The following LRRTM4 variants were observed in gnomAD, a reference collection of about 807,000 sequenced individuals.
LRRTM4 encodes leucine rich repeat transmembrane neuronal 4, also known as leucine-rich repeat transmembrane neuronal protein 4.
In LRRTM4, 25 loss-of-function variants were observed where a neutral mutation model predicts 47.6. The observed-to-expected ratio is 0.53, with a 90% confidence interval of 0.38 to 0.73. The LOEUF is 0.73. Ranked by LOEUF, LRRTM4 falls within the 30% of genes least tolerant of loss-of-function variation. LRRTM4 has a pLI of 0.00. For synonymous variants in LRRTM4, 311 were observed against 269.5 expected, an observed-to-expected ratio of 1.15 and a Z score of -1.51; for missense variants, 638 against 713.4, an observed-to-expected ratio of 0.89 and a Z score of 1.20.
At chr2:77,478,814 T>A in intron 3 of LRRTM4, among the ~76,000 whole-genome samples, 1 of 152,202 alleles carries the variant, frequency 6.6e-6, no homozygotes, top group South Asian at 2.1e-4. Context: ...TTTGTCTTTT[T>A]AAAAAAGAAA....
At chr2:76,996,111 G>A (rs918535580) in intron 3 of LRRTM4, among the ~76,000 whole-genome samples, 1 of 152,118 alleles carries the variant, frequency 6.6e-6, no homozygotes, top group Admixed American at 6.6e-5. Flanking sequence ...TCAGGAATGA[G>A]TTGACATGCA....
At chr2:77,133,864 C>G (rs1246600256) in intron 3 of LRRTM4, among the ~76,000 whole-genome samples, 1 of 152,046 alleles carries the variant, frequency 6.6e-6, no homozygotes, top group Non-Finnish European at 1.5e-5. Context: ...TGTGATTGAA[C>G]AAAAGTTTGT....
In LRRTM4 at chr2:77,408,823, TATA is replaced by T. The variant is rs1357208421; in HGVS notation, c.1551+109492_1551+109494del. 2.0e-5 allele frequency among the ~76,000 whole-genome samples: 3 copies of T among 152,332 alleles called. No homozygotes were observed. In the East Asian group the frequency reaches 5.8e-4, roughly 29 times the overall value. On this transcript the variant is annotated intron_variant, in intron 3 of 3. Coordinates refer to ENST00000409884, the MANE Select transcript of LRRTM4 (RefSeq NM_001134745.3). ...ATCCCCCGGTGTCTAATACAGGTAT[TATA>T]ATATCTGTTTCATAAATGTGTTTCA... is the stretch of plus-strand genomic sequence containing the variant.
intron 3 of LRRTM4, among the ~76,000 whole-genome samples, chr2:77,035,047 ATTAT>A (rs1474113219): frequency 6.6e-6 from 1 of 151,708 alleles, no homozygotes; most frequent in Non-Finnish European, 1.5e-5. Flanking sequence ...TTTTATTTTT[ATTAT>A]TTTTTTTCTT....
chr2:76,925,989 G>T (rs1048102154), intron 3 of LRRTM4, among the ~76,000 whole-genome samples: 2 of 152,082 alleles, frequency 1.3e-5, no homozygotes, highest in South Asian at 4.1e-4. Context: ...AGTTCTTTGA[G>T]GATAAAACCA....
At chr2:76,797,012 G>C (rs887103371) in intron 3 of LRRTM4, among the ~76,000 whole-genome samples, 1 of 152,104 alleles carries the variant, frequency 6.6e-6, no homozygotes, top group African/African-American at 2.4e-5. Context: ...AAGTGATGGG[G>C]AGAATGCAAA....
At chr2:77,036,748 A>G (rs1573482232) in intron 3 of LRRTM4, among the ~76,000 whole-genome samples, 1 of 151,706 alleles carries the variant, frequency 6.6e-6, no homozygotes, top group Non-Finnish European at 1.5e-5. Flanking sequence ...ATATTGCTGA[A>G]TATCTGAGAG....
intron 3 of LRRTM4, among the ~76,000 whole-genome samples, chr2:77,092,417 G>A (rs925301671): frequency 1.3e-5 from 2 of 148,992 alleles, no homozygotes; most frequent in East Asian, 2.1e-4. Context: ...TTATGCTATA[G>A]TACAAGCCAC....
chr2:77,494,916 G>A (rs930701494), intron 3 of LRRTM4, among the ~76,000 whole-genome samples: 2 of 151,968 alleles, frequency 1.3e-5, no homozygotes, highest in African/African-American at 4.8e-5. Flanking sequence ...ACTCTGTTTT[G>A]ATTTGCCTTC....
intron 3 of LRRTM4, among the ~76,000 whole-genome samples, chr2:76,999,058 G>A (rs1029008481): frequency 6.6e-6 from 1 of 152,060 alleles, no homozygotes; most frequent in Non-Finnish European, 1.5e-5. Context: ...CTTCATAGAT[G>A]GTTGTTGATA....
chr2:77,255,461 G>T (rs1675739706), intron 3 of LRRTM4, among the ~76,000 whole-genome samples: 1 of 151,950 alleles, frequency 6.6e-6, no homozygotes, highest in Admixed American at 6.6e-5. Context: ...ATCAACAGGA[G>T]ATTACATATT....
intron 3 of LRRTM4, among the ~76,000 whole-genome samples, chr2:77,285,470 A>AGTG (rs1290155094): frequency 6.6e-6 from 1 of 151,416 alleles, no homozygotes; most frequent in Non-Finnish European, 1.5e-5. Flanking sequence ...GGCCAGGTGC[A>AGTG]GTGGCTCATG....
At chr2:77,393,317 G>C (rs1470841002) in intron 3 of LRRTM4, among the ~76,000 whole-genome samples, 1 of 151,914 alleles carries the variant, frequency 6.6e-6, no homozygotes, top group Non-Finnish European at 1.5e-5. Flanking sequence ...CTAGAGAGTA[G>C]AAAAGACAAT....
At chr2:77,033,456 G>A (rs1678731121) in intron 3 of LRRTM4, among the ~76,000 whole-genome samples, 1 of 151,894 alleles carries the variant, frequency 6.6e-6, no homozygotes, top group African/African-American at 2.4e-5. Flanking sequence ...TATTAATATT[G>A]TATATGATAT....
intron 3 of LRRTM4, among the ~76,000 whole-genome samples, chr2:77,165,627 C>A (rs972895230): frequency 2.0e-5 from 3 of 152,184 alleles, no homozygotes; most frequent in African/African-American, 4.8e-5. Flanking sequence ...AAGTGGGCTT[C>A]ATCCCTGGGA....
intron 3 of LRRTM4, among the ~76,000 whole-genome samples, chr2:77,349,896 T>A (rs1384243843): frequency 6.6e-6 from 1 of 152,160 alleles, no homozygotes; most frequent in East Asian, 1.9e-4. Context: ...TATAATATTA[T>A]ACCCCTATCT....
intron 3 of LRRTM4, among the ~76,000 whole-genome samples, chr2:77,015,877 G>A (rs1469587868): frequency 6.6e-6 from 1 of 151,986 alleles, no homozygotes; most frequent in African/African-American, 2.4e-5. Context: ...CAGCACTTGA[G>A]AGTCTGAGAT....
At chr2:76,836,722 T>C (rs112338346) in intron 3 of LRRTM4, among the ~76,000 whole-genome samples, 1 of 152,196 alleles carries the variant, frequency 6.6e-6, no homozygotes, top group African/African-American at 2.4e-5. Flanking sequence ...ATTTACTAAG[T>C]AGCACAGCTG....
chr2:77,325,431 T>C (rs1670724416), intron 3 of LRRTM4, among the ~76,000 whole-genome samples: 1 of 152,122 alleles, frequency 6.6e-6, no homozygotes, highest in Non-Finnish European at 1.5e-5. Flanking sequence ...TGTCAAGTTG[T>C]CACTTAGCTA....
Sources: allele counts gnomAD v4.1 joint callset (sites outside exome capture counted in the v4.1 genomes callset), GRCh38; gene constraint gnomAD v4.1.1; transcripts MANE v1.5; gene names NCBI Gene and HGNC (gene_info 2026-07-23, HGNC 2026-07-21).